Variants in CDH18 observed in about 807,000 individuals in gnomAD.
CDH18 encodes the protein cadherin-18.
In CDH18, 31 loss-of-function variants were observed where a neutral mutation model predicts 67.9. The observed-to-expected ratio is 0.46, with a 90% confidence interval of 0.34 to 0.62. The LOEUF is 0.62. CDH18 is among the 20% of genes least tolerant of loss of function. The pLI is 0.01. For synonymous variants in CDH18, 362 were observed against 347.2 expected (o/e 1.04, Z -0.48); for missense variants, 890 against 975.5 (o/e 0.91, Z 1.17).
intron 9 of CDH18, among the ~76,000 whole-genome samples, chr5:19,540,562 G>A (rs909969869): frequency 6.6e-6 from 1 of 152,136 alleles, no homozygotes; most frequent in Non-Finnish European, 1.5e-5. Context: ...TGGGTGTCCA[G>A]GGGTTTCCAT....
chr5:20,014,774 C>T (rs1737740658), intron 2 of CDH18, among the ~76,000 whole-genome samples: 1 of 152,086 alleles, frequency 6.6e-6, no homozygotes, highest in South Asian at 2.1e-4. Flanking sequence ...TCAGAAACAG[C>T]TCCAGTGAAT....
intron 1 of CDH18, among the ~76,000 whole-genome samples, chr5:20,553,703 A>T: frequency 6.6e-6 from 1 of 152,176 alleles, no homozygotes; most frequent in East Asian, 1.9e-4. Context: ...AATTAATTTA[A>T]TTGTGGCCTT....
chr5:19,513,884 A>G (rs929717069), intron 10 of CDH18, among the ~76,000 whole-genome samples: 11 of 152,012 alleles, frequency 7.2e-5, no homozygotes, highest in Non-Finnish European at 1.6e-4. Context: ...TCTAGGGTAC[A>G]TGTGCACAAC....
chr5:20,498,525 A>T (rs1318600508), intron 1 of CDH18, among the ~76,000 whole-genome samples: 1 of 152,142 alleles, frequency 6.6e-6, no homozygotes, highest in Non-Finnish European at 1.5e-5. Context: ...ATGACTTAAA[A>T]AAGTGAGAGT....
chr5:19,534,919 A>G (rs560634366), intron 9 of CDH18, among the ~76,000 whole-genome samples: 24 of 152,272 alleles, frequency 1.6e-4, no homozygotes, highest in African/African-American at 4.8e-4. Context: ...CAGCAGTCCT[A>G]TGAAGGAGTC....
chr5:20,349,794 A>G (rs1164915947), intron 1 of CDH18, among the ~76,000 whole-genome samples: 1 of 152,180 alleles, frequency 6.6e-6, no homozygotes, highest in African/African-American at 2.4e-5. Flanking sequence ...TTACATAACT[A>G]TTAACACAGG....
intron 2 of CDH18, among the ~76,000 whole-genome samples, chr5:20,131,583 G>A: frequency 6.6e-6 from 1 of 152,076 alleles, no homozygotes. Context: ...TATTGTGTAT[G>A]TACATTTGTG....
intron 3 of CDH18, among the ~76,000 whole-genome samples, chr5:19,817,967 A>G (rs547269412): frequency 4.9e-4 from 74 of 152,146 alleles, no homozygotes; most frequent in Non-Finnish European, 9.7e-4. Context: ...TCTAAAATAT[A>G]AATTTTATAT....
At chr5:19,563,525 T>TA (rs1217447761) in intron 8 of CDH18, among the ~76,000 whole-genome samples, 5 of 152,156 alleles carry the variant, frequency 3.3e-5, no homozygotes, top group Non-Finnish European at 5.9e-5. Flanking sequence ...TCTCAGTAGC[T>TA]AATCTGTGAA....
At chr5:20,411,642 T>G in intron 1 of CDH18, among the ~76,000 whole-genome samples, 1 of 150,304 alleles carries the variant, frequency 6.7e-6, no homozygotes, top group East Asian at 2.0e-4. Context: ...GGAAAATAAA[T>G]AATCAACAAA....
At chr5:19,870,202 T>C (rs1786096113) in intron 2 of CDH18, among the ~76,000 whole-genome samples, 2 of 152,110 alleles carry the variant, frequency 1.3e-5, no homozygotes, top group Non-Finnish European at 2.9e-5. Flanking sequence ...GTCAGTTGCA[T>C]AACACTGTGA....
intron 11 of CDH18, among the ~76,000 whole-genome samples, chr5:19,496,377 T>C (rs1742330350): frequency 6.6e-6 from 1 of 152,212 alleles, no homozygotes; most frequent in Admixed American, 6.5e-5. Context: ...GTTAGTGCTA[T>C]AGCTTGAATG....
intron 2 of CDH18, among the ~76,000 whole-genome samples, chr5:20,035,871 T>C (rs1027973960): frequency 6.6e-6 from 1 of 152,066 alleles, no homozygotes; most frequent in Non-Finnish European, 1.5e-5. Flanking sequence ...CTATTATTTG[T>C]TGTTTTTGTT....
At chr5:20,345,648 C>G (rs997848829) in intron 1 of CDH18, among the ~76,000 whole-genome samples, 1 of 151,676 alleles carries the variant, frequency 6.6e-6, no homozygotes, top group Non-Finnish European at 1.5e-5. Context: ...AATTACCTAA[C>G]CCACCTAACC....
At chr5:20,162,705 A>C (rs1370523148) in intron 2 of CDH18, among the ~76,000 whole-genome samples, 11 of 151,452 alleles carry the variant, frequency 7.3e-5, no homozygotes, top group Non-Finnish European at 4.4e-5. Flanking sequence ...ATGTATATAC[A>C]TACATATATA....
At chr5:20,506,654 C>A (rs1241335637) in intron 1 of CDH18, among the ~76,000 whole-genome samples, 1 of 152,210 alleles carries the variant, frequency 6.6e-6, no homozygotes. Context: ...AAGCCACACC[C>A]AGACTCCTGA....
intron 1 of CDH18, among the ~76,000 whole-genome samples, chr5:20,298,957 G>T (rs182533968): frequency 1.3e-5 from 2 of 152,244 alleles, no homozygotes; most frequent in African/African-American, 4.8e-5. Context: ...TGTTTCACAA[G>T]AATGAGGAGT....
At chr5:20,278,593 T>C (rs1580649736) in intron 1 of CDH18, among the ~76,000 whole-genome samples, 2 of 152,134 alleles carry the variant, frequency 1.3e-5, no homozygotes, top group African/African-American at 2.4e-5. Context: ...AGCAAGTACA[T>C]AGAGGAACAT....
intron 4 of CDH18, among the ~76,000 whole-genome samples, chr5:19,726,756 T>C (rs1304311956): frequency 6.6e-6 from 1 of 152,228 alleles, no homozygotes; most frequent in African/African-American, 2.4e-5. Context: ...GTGTGTGCTT[T>C]TATTAATGCT....
Sources: allele counts gnomAD v4.1 joint callset (sites outside exome capture counted in the v4.1 genomes callset), GRCh38; gene constraint gnomAD v4.1.1; transcripts MANE v1.5; gene names NCBI Gene and HGNC (gene_info 2026-07-23, HGNC 2026-07-21).